PKD1L1: variants seen among roughly 807,000 people sequenced by gnomAD.
PKD1L1 encodes polycystin 1 like 1, transient receptor potential channel interacting, also known as polycystin-1-like protein 1.
Under a neutral mutation model 323.4 loss-of-function variants are expected in PKD1L1, and 236 were observed. That is an observed-to-expected ratio of 0.73 (90% CI 0.66 to 0.81). PKD1L1 has a LOEUF of 0.81. Among genes scored for constraint, PKD1L1 ranks in the 40% least tolerant of loss-of-function variants. PKD1L1 has a pLI of 0.00. For missense variants in PKD1L1, 3,320 were observed against 3,508.0 expected (o/e 0.95, Z 1.35); for synonymous variants, 1,344 against 1,335.0 (o/e 1.01, Z -0.15).
intron 8 of PKD1L1, among the ~76,000 whole-genome samples, chr7:47,908,869 T>C (rs1787262287): frequency 6.6e-6 from 1 of 152,216 alleles, no homozygotes; most frequent in East Asian, 1.9e-4. Context: ...TTGGGACCTC[T>C]GTCATTGTCA....
At position 47,827,456 on chromosome 7, in the gene PKD1L1, G is replaced by A. The variant is rs200518403; in HGVS notation, c.6748C>T (p.Arg2250Ter). 136 of 1,608,308 alleles carry A rather than the reference G, an allele frequency of 8.5e-5. No homozygotes were observed. Among genetic ancestry groups the A allele is most frequent in the Non-Finnish European group, 9.8e-5 (115 of 1,178,698 alleles). Residue 2250 changes from arginine to a stop codon, truncating the protein, a stop_gained, in exon 45 of 57, where the codon CGA becomes TGA. Coordinates refer to ENST00000289672, the MANE Select transcript of PKD1L1 (RefSeq NM_138295.5). LOFTEE classifies it high-confidence loss of function. Reference protein sequence around the residue: ...AGEVEKVLAARQQARHLRWAH... With the variant: ...AGEVEKVLAA ...CAGCGCAGGTGGCGAGCTTGTTGTC[G>A]GGCAGCCAAGACCTGTCAGGGACAA...
chr7:47,880,975 T>C (rs1786540731), intron 20 of PKD1L1, among the ~76,000 whole-genome samples, 170 bp from the exon 21 acceptor site: 1 of 151,732 alleles, frequency 6.6e-6, no homozygotes, highest in Non-Finnish European at 1.5e-5. Flanking sequence ...CTGCCTTCTA[T>C]AAACAGCCTG....
intron 26 of PKD1L1, among the ~76,000 whole-genome samples, chr7:47,863,893 T>C (rs1786090050): frequency 6.6e-6 from 1 of 152,118 alleles, no homozygotes; most frequent in African/African-American, 2.4e-5. Flanking sequence ...GCAGCAAGTA[T>C]AGCCCATAAC....
At chr7:47,798,529 G>A (rs62448553) in intron 54 of PKD1L1, among the ~76,000 whole-genome samples, 8,541 of 152,082 alleles carry the variant, frequency 0.056, 374 homozygotes, top group East Asian at 0.2. Context: ...AGGCTGAGGC[G>A]GGAGGATCAC....
chr7:47,902,442 A>T lies in PKD1L1; in HGVS notation c.2001T>A (p.Leu667=), dbSNP rs1787112456. The T allele has an allele frequency of 3.7e-6, 6 of 1,614,110 alleles. No homozygotes were observed. Among genetic ancestry groups the T allele is most frequent in the Non-Finnish European group, 5.1e-6 (6 of 1,180,000 alleles). The part of the protein sequence containing the change: ...NVSASTLRQQ[L]FIVCEPCQPP... ...GCTGGCAGGGCTCGCACACGATGAAAAGTTGCTGTCTTAGAGTGGAGGCAC... is the reference window on the plus strand; with the variant it reads ...GCTGGCAGGGCTCGCACACGATGAATAGTTGCTGTCTTAGAGTGGAGGCAC... Residue 667 remains leucine, a synonymous_variant, in exon 13 of 57, where the codon CTT becomes CTA. Transcript: ENST00000289672.
At chr7:47,820,587 C>T (rs145165222) in intron 46 of PKD1L1, among the ~76,000 whole-genome samples, 384 of 152,244 alleles carry the variant, frequency 2.5e-3, no homozygotes, top group Non-Finnish European at 4.6e-3. Context: ...ATTAGCCAAG[C>T]GTGGTGGCAC....
At chr7:47,926,405 A>G (rs1295967906) in intron 7 of PKD1L1, among the ~76,000 whole-genome samples, 2 of 152,126 alleles carry the variant, frequency 1.3e-5, no homozygotes, top group African/African-American at 4.8e-5. Flanking sequence ...CGCAGAACCA[A>G]TGTACATTTT....
At chr7:47,876,030 AC>A in intron 23 of PKD1L1, 66 bp downstream of exon 23, 2 of 1,548,408 alleles carry the variant, frequency 1.3e-6, no homozygotes, top group Non-Finnish European at 1.8e-6. Flanking sequence ...GTTTTTGAAA[AC>A]CAGGAAAAAA....
chr7:47,835,082 AAT>A, intron 38 of PKD1L1, 43 bp from the exon 39 acceptor site: 1 of 1,610,672 alleles, frequency 6.2e-7, no homozygotes, highest in Non-Finnish European at 8.5e-7. Flanking sequence ...GTTCCCCAGC[AAT>A]GAAGGGGCTG....
rs766129738 is a variant in PKD1L1, at chr7:47,834,320, C to A, written c.6174+19G>T. The stretch of plus-strand genomic sequence containing the variant: ...TTTCATGCTAGAAGATTAGCTGCTG[C>A]GCATAATGATTGATTTACCTTGCGT... On this transcript the variant is annotated intron_variant, in intron 40 of 56. Transcript: ENST00000289672. 6.2e-7 allele frequency: 1 copy of A among 1,609,938 alleles called. No individual in the cohort carries two copies. Among genetic ancestry groups the A allele is most frequent in the Non-Finnish European group, 8.5e-7 (1 of 1,176,466 alleles).
intron 7 of PKD1L1, among the ~76,000 whole-genome samples, chr7:47,918,994 G>A (rs186890814): frequency 6.6e-6 from 1 of 151,978 alleles, no homozygotes; most frequent in East Asian, 1.9e-4. Flanking sequence ...CACAAATGCA[G>A]CAGAAGAAAG....
chr7:47,864,633 T>TTTCTTTCTTTCTTTCTTTCTTTCTTTCC (rs1554404342), intron 26 of PKD1L1, among the ~76,000 whole-genome samples: 3 of 114,774 alleles, frequency 2.6e-5, no homozygotes, highest in Non-Finnish European at 5.5e-5. Context: ...TCTTTCTTTC[T>TTTCTTTCTTTCTTTCTTTCTTTCTTTCC]TTCCTTCCTT....
chr7:47,838,876 C>CAAAAAAAAA (rs57858359), intron 36 of PKD1L1, among the ~76,000 whole-genome samples: 43 of 85,024 alleles, frequency 5.1e-4, no homozygotes, highest in Non-Finnish European at 6.2e-4. Flanking sequence ...GACTCCATCT[C>CAAAAAAAAA]AAAAAAAAAA....
chr7:47,935,833 A>C (rs1787857790), intron 4 of PKD1L1, among the ~76,000 whole-genome samples: 1 of 152,262 alleles, frequency 6.6e-6, no homozygotes, highest in Admixed American at 6.5e-5. Context: ...GTATATCAGA[A>C]AGAACTGTGA....
chr7:47,792,880 T>A (rs913979493), intron 55 of PKD1L1, 83 bp from the exon 56 acceptor site: 1 of 1,298,938 alleles, frequency 7.7e-7, no homozygotes, highest in African/African-American at 1.5e-5. Flanking sequence ...CATTTAGGGG[T>A]ATCATCTGTA....
intron 3 of PKD1L1, among the ~76,000 whole-genome samples, chr7:47,939,416 A>C (rs1292484662): frequency 2.6e-5 from 4 of 152,188 alleles, no homozygotes; most frequent in Non-Finnish European, 5.9e-5. Context: ...CTAGAAACGC[A>C]CAACTCTGGG....
In PKD1L1 at chr7:47,858,751, T is replaced by G; in HGVS notation, c.4284A>C (p.Glu1428Asp). 3.1e-6 allele frequency: 5 copies of G among 1,614,190 alleles called. No individual in the cohort carries two copies. Among genetic ancestry groups the G allele is most frequent in the Non-Finnish European group, 3.4e-6 (4 of 1,180,012 alleles). The change falls in exon 27 of 57, where the codon GAA becomes GAC. Residue 1428 changes from glutamate to aspartate, a missense_variant. Transcript: ENST00000289672. ...ELIGLISRVW[E>D]VSEQENSKEE... is the part of the protein sequence containing the mutation. ...CCTTCGAGTTTTCTTGCTCAGAGAC[T>G]TCCCAGACTCTGGATATGAGACCGA...
At chr7:47,890,825 T>C (rs1465693188) in intron 15 of PKD1L1, 62 bp from the exon 16 acceptor site, 2 of 1,457,376 alleles carry the variant, frequency 1.4e-6, no homozygotes, top group African/African-American at 1.4e-5. Context: ...GACTACCCTG[T>C]GTCACTGCAC....
chr7:47,829,803 T>G (rs1785307705), intron 43 of PKD1L1, among the ~76,000 whole-genome samples: 4 of 152,180 alleles, frequency 2.6e-5, no homozygotes, highest in African/African-American at 9.7e-5. Context: ...TGAGTTCAAT[T>G]TCCTCAAATA....
Sources: gnomAD v4.1 joint callset for allele counts (sites outside exome capture counted in the v4.1 genomes callset) on GRCh38, gnomAD v4.1.1 for gene constraint, MANE v1.5 for transcripts, NCBI Gene and HGNC (gene_info 2026-07-23, HGNC 2026-07-21) for gene names.